MYBL2: variants seen among roughly 807,000 people sequenced by gnomAD.
MYBL2 encodes MYB proto-oncogene like 2.
In MYBL2, 28 loss-of-function variants were observed where a neutral mutation model predicts 79.9. That is an observed-to-expected ratio of 0.35 (90% CI 0.26 to 0.48). The LOEUF (loss-of-function observed/expected upper bound fraction) is 0.48. MYBL2 is among the 20% of genes least tolerant of loss of function. MYBL2 has a pLI of 0.99. For missense variants in MYBL2, 735 were observed against 893.9 expected, an observed-to-expected ratio of 0.82 and a Z score of 2.27; for synonymous variants, 378 against 361.2, an observed-to-expected ratio of 1.05 and a Z score of -0.53.
At chr20:43,667,479 G>A (rs1008950292) in intron 1 of MYBL2, among the ~76,000 whole-genome samples, 176 bp downstream of exon 1, 1 of 152,154 alleles carries the variant, frequency 6.6e-6, no homozygotes, top group Non-Finnish European at 1.5e-5. Context: ...AGGGGCGCGC[G>A]TAAAGCTGGG....
intron 3 of MYBL2, among the ~76,000 whole-genome samples, chr20:43,682,379 C>T (rs975156181): frequency 2.6e-5 from 4 of 152,190 alleles, no homozygotes; most frequent in African/African-American, 9.7e-5. Context: ...ATATGTCTTA[C>T]TGCCTGGGCT....
intron 7 of MYBL2, among the ~76,000 whole-genome samples, chr20:43,701,183 A>G (rs1033408050): frequency 6.6e-6 from 1 of 152,180 alleles, no homozygotes; most frequent in Non-Finnish European, 1.5e-5. Context: ...GGCTCTTTCC[A>G]CAATGACCTT....
chr20:43,690,135 C>T (rs1287991108), intron 5 of MYBL2, among the ~76,000 whole-genome samples: 1 of 151,270 alleles, frequency 6.6e-6, no homozygotes, highest in East Asian at 1.9e-4. Flanking sequence ...CGCATGTGTA[C>T]ATGGGTTGGG....
At chr20:43,701,252 C>T (rs192600882) in intron 7 of MYBL2, among the ~76,000 whole-genome samples, 101 of 152,222 alleles carry the variant, frequency 6.6e-4, no homozygotes, top group African/African-American at 2.3e-3. Context: ...TCCTCTGCTC[C>T]GTCCACTTCA....
In MYBL2 at chr20:43,699,941, C is replaced by A; in HGVS notation, c.848C>A (p.Pro283Gln). ...FPKREDQEGS[P>Q]PETSLPYKWV... is the part of the protein sequence containing the mutation. ...AAGCGTGAGGACCAGGAAGGCTCCC[C>A]ACCAGAAACGAGCCTGCCTTACAAG... is the stretch of plus-strand genomic sequence containing the variant. The change falls in exon 7 of 14, where the codon CCA (proline) becomes CAA (glutamine). Residue 283 changes from proline (P) to glutamine (Q), a missense_variant. Around this residue, in one of 5 missense-constraint regions of MYBL2, gnomAD observed 144 missense variants for 131.9 expected, o/e 1.09. Coordinates refer to ENST00000217026, the MANE Select transcript of MYBL2 (RefSeq NM_002466.4). 1 of 1,614,124 alleles carries A rather than the reference C, an allele frequency of 6.2e-7. No homozygotes were observed.
intron 1 of MYBL2, among the ~76,000 whole-genome samples, chr20:43,672,913 A>G (rs1463008738): frequency 2.6e-5 from 4 of 152,176 alleles, no homozygotes; most frequent in Admixed American, 2.6e-4. Context: ...TCTGATTTTG[A>G]ACATAATATT....
At chr20:43,696,223 G>A (rs941426616) in intron 6 of MYBL2, among the ~76,000 whole-genome samples, 1 of 151,818 alleles carries the variant, frequency 6.6e-6, no homozygotes, top group Non-Finnish European at 1.5e-5. Context: ...AATGCAGAAG[G>A]TTGAGCCTGC....
intron 2 of MYBL2, among the ~76,000 whole-genome samples, chr20:43,680,412 C>G (rs1300840935): frequency 6.6e-6 from 1 of 152,252 alleles, no homozygotes; most frequent in East Asian, 1.9e-4. Flanking sequence ...ATAGTGTCCT[C>G]AGCTTTCATC....
intron 2 of MYBL2, among the ~76,000 whole-genome samples, chr20:43,678,880 A>AAC (rs1987078957): frequency 6.7e-6 from 1 of 149,910 alleles, no homozygotes; most frequent in African/African-American, 2.5e-5. Flanking sequence ...AAAAAGAAAA[A>AAC]AACATATAGA....
intron 5 of MYBL2, among the ~76,000 whole-genome samples, chr20:43,688,431 ACCT>A (rs1410447509): frequency 1.3e-5 from 2 of 151,478 alleles, no homozygotes; most frequent in Non-Finnish European, 2.9e-5. Context: ...CGAACTCTTG[ACCT>A]CCTGCCCACC....
At chr20:43,713,312 G>A (rs6031049) in intron 12 of MYBL2, among the ~76,000 whole-genome samples, 2,178 of 152,204 alleles carry the variant, frequency 0.014, 62 homozygotes, top group African/African-American at 0.05. Flanking sequence ...AGAGTTGCGC[G>A]GCTAGGACAT....
intron 6 of MYBL2, 101 bp from the exon 7 acceptor site, chr20:43,699,656 C>T: frequency 7.7e-7 from 1 of 1,300,808 alleles, no homozygotes; most frequent in Non-Finnish European, 1.1e-6. Flanking sequence ...TTGGGTTCAT[C>T]ACAGTTTCCT....
intron 7 of MYBL2, among the ~76,000 whole-genome samples, chr20:43,700,769 T>C (rs1010255952): frequency 6.6e-6 from 1 of 152,054 alleles, no homozygotes; most frequent in Non-Finnish European, 1.5e-5. Flanking sequence ...GTGAGGTGTG[T>C]CATTTCTGTT....
chr20:43,702,477 C>T lies in MYBL2; in HGVS notation c.952-13C>T. On this transcript the variant is annotated splice_polypyrimidine_tract_variant and intron_variant, in intron 7 of 13. Coordinates refer to ENST00000217026, the MANE Select transcript of MYBL2 (RefSeq NM_002466.4). ...CATAGTAATTGCAATTCCTAACCTC[C>T]CTCCCTGGACAGGACCCTGATGCTT... is the stretch of plus-strand genomic sequence containing the variant. 2.5e-6 allele frequency: 4 copies of T among 1,578,810 alleles called. No homozygotes were observed. Among genetic ancestry groups the T allele is most frequent in the Non-Finnish European group, 3.5e-6 (4 of 1,156,378 alleles).
intron 2 of MYBL2, among the ~76,000 whole-genome samples, 166 bp downstream of exon 2, chr20:43,674,065 G>A (rs1986937201): frequency 6.6e-6 from 1 of 151,958 alleles, no homozygotes; most frequent in African/African-American, 2.4e-5. Flanking sequence ...AGCATTCTGG[G>A]GGATTCTCAA....
At chr20:43,669,333 T>C (rs1248844455) in intron 1 of MYBL2, among the ~76,000 whole-genome samples, 2 of 152,236 alleles carry the variant, frequency 1.3e-5, no homozygotes, top group African/African-American at 4.8e-5. Context: ...GGAAGAGTTA[T>C]TCCAGGAGTG....
chr20:43,712,120 G>A (rs1275821732), intron 11 of MYBL2, among the ~76,000 whole-genome samples: 1 of 151,446 alleles, frequency 6.6e-6, no homozygotes, highest in Non-Finnish European at 1.5e-5. Flanking sequence ...GTGAGGTGGA[G>A]TCTGCAGGGG....
chr20:43,707,212 AAAG>A (rs1464742804), intron 9 of MYBL2, among the ~76,000 whole-genome samples: 1 of 151,538 alleles, frequency 6.6e-6, no homozygotes, highest in African/African-American at 2.4e-5. Flanking sequence ...AAAAGAGAAA[AAAG>A]AAATCAGTCT....
intron 1 of MYBL2, among the ~76,000 whole-genome samples, chr20:43,668,092 G>A (rs907558973): frequency 6.6e-6 from 1 of 152,016 alleles, no homozygotes; most frequent in Non-Finnish European, 1.5e-5. Flanking sequence ...GTGCGCCTGG[G>A]GCCTGAGCTC....
Sources: allele counts gnomAD v4.1 joint callset (sites outside exome capture counted in the v4.1 genomes callset), GRCh38; gene constraint gnomAD v4.1.1; regional missense constraint gnomAD v4.1.1; transcripts MANE v1.5; gene names NCBI Gene and HGNC (gene_info 2026-07-23, HGNC 2026-07-21).